Variants in TRPM3 observed in about 807,000 individuals in gnomAD.
TRPM3 encodes long transient receptor potential channel 3.
TRPM3 carries 77 observed loss-of-function variants against 181.2 expected under a neutral mutation model. That is an observed-to-expected ratio of 0.42 (90% CI 0.35 to 0.51). The LOEUF is 0.51. Among genes scored for constraint, TRPM3 ranks in the 20% least tolerant of loss-of-function variants. The probability of loss-of-function intolerance (pLI) is 0.01; values close to 1 mark genes in which losing one functional copy is unlikely to be tolerated. For missense variants in TRPM3, 1,759 were observed against 2,196.7 expected (o/e 0.80, Z 3.98); for synonymous variants, 745 against 796.4 (o/e 0.94, Z 1.09).
Position 70,964,386 on chromosome 9 carries a change from G to C in TRPM3, c.178-99875C>G, listed in dbSNP as rs184685572. On this transcript the variant is annotated intron_variant, in intron 1 of 25. Coordinates refer to ENST00000677713, the MANE Select transcript of TRPM3 (RefSeq NM_001366145.2). The stretch of plus-strand genomic sequence containing the variant: ...AAGAACCAGAGCTTAAAAACTATGA[G>C]ACATTTTGGTAAGTGGCAGAAATGT... 2.2e-4 allele frequency among the ~76,000 whole-genome samples: 34 copies of C among 152,142 alleles called. No individual in the cohort carries two copies. The East Asian group carries it at 5.6e-3, about 25-fold the overall frequency.
chr9:70,944,015 A>G (rs1485747327), intron 1 of TRPM3, among the ~76,000 whole-genome samples: 2 of 152,164 alleles, frequency 1.3e-5, no homozygotes, highest in African/African-American at 4.8e-5. Flanking sequence ...GCTGACCTCA[A>G]GTGGTCCGCC....
intron 1 of TRPM3, among the ~76,000 whole-genome samples, chr9:71,012,613 G>T (rs2097755157): frequency 6.6e-6 from 1 of 151,652 alleles, no homozygotes; most frequent in Admixed American, 6.6e-5. Flanking sequence ...TGTGTCTTTT[G>T]TGAAAAGTGC....
Position 70,615,938 on chromosome 9 carries a change from C to T in TRPM3, c.2496G>A (p.Lys832=). 1 of 1,609,202 alleles carries T rather than the reference C, an allele frequency of 6.2e-7. No individual in the cohort carries two copies. The highest frequency in any genetic ancestry group is 8.5e-7 in the Non-Finnish European group (1 of 1,178,244). ...KEAEEPEKPT[K]EKEEEDMELT... is the part of the protein sequence containing the mutation. ...GCTCCATGTCCTCTTCCTCTTTTTC[C>T]TTTGTGGGCTTCTCTGGTTCTTCTG... The change falls in exon 18 of 26, where the codon AAG becomes AAA. Residue 832 remains lysine, a synonymous_variant. Coordinates refer to ENST00000677713, the MANE Select transcript of TRPM3 (RefSeq NM_001366145.2).
chr9:70,812,951 T>C (rs143375551), intron 6 of TRPM3, among the ~76,000 whole-genome samples: 5 of 152,174 alleles, frequency 3.3e-5, no homozygotes, highest in Non-Finnish European at 7.4e-5. Flanking sequence ...AAAAAAATGG[T>C]CTTAAGGGGG....
At chr9:70,542,597 C>T (rs1231329587) in intron 25 of TRPM3, among the ~76,000 whole-genome samples, 1 of 152,220 alleles carries the variant, frequency 6.6e-6, no homozygotes, top group Non-Finnish European at 1.5e-5. Context: ...TGGCACAGAA[C>T]ATTTTGGCTT....
chr9:71,037,280 C>T (rs1359626784), intron 1 of TRPM3, among the ~76,000 whole-genome samples: 4 of 152,142 alleles, frequency 2.6e-5, no homozygotes, highest in African/African-American at 7.2e-5. Context: ...TCTACTTTAA[C>T]CAATTAGTAA....
intron 1 of TRPM3, among the ~76,000 whole-genome samples, chr9:71,103,894 A>T (rs75998083): frequency 6.6e-6 from 1 of 151,984 alleles, no homozygotes; most frequent in East Asian, 1.9e-4. Flanking sequence ...ATAATGGAGC[A>T]GATGATCTGA....
chr9:70,576,508 C>CT (rs897195308), intron 22 of TRPM3, among the ~76,000 whole-genome samples: 1,425 of 138,864 alleles, frequency 0.01, 28 homozygotes, highest in African/African-American at 0.034. Context: ...CCTCCTTCTT[C>CT]TTTTTTTTTT....
chr9:71,210,318 C>G (rs572090663), intron 1 of TRPM3, among the ~76,000 whole-genome samples: 2 of 152,304 alleles, frequency 1.3e-5, no homozygotes, highest in Admixed American at 1.3e-4. Flanking sequence ...AGGGCTCTCA[C>G]TGATTCTACA....
intron 1 of TRPM3, among the ~76,000 whole-genome samples, chr9:71,043,686 T>TC (rs1252972998): frequency 1.4e-4 from 22 of 152,348 alleles, no homozygotes; most frequent in Non-Finnish European, 2.8e-4. Context: ...CAGCATCAGC[T>TC]GGGAATTTTT....
chr9:70,796,870 T>C (rs2087195625), intron 6 of TRPM3, among the ~76,000 whole-genome samples: 1 of 152,340 alleles, frequency 6.6e-6, no homozygotes, highest in East Asian at 1.9e-4. Flanking sequence ...GGCTCATGCC[T>C]GTAATCCCAG....
chr9:70,831,229 T>C (rs1183600866), intron 5 of TRPM3, among the ~76,000 whole-genome samples: 1 of 152,206 alleles, frequency 6.6e-6, no homozygotes, highest in Non-Finnish European at 1.5e-5. Flanking sequence ...GTTTGAGTTA[T>C]AATTTACATA....
chr9:70,913,029 T>C (rs1174529391), intron 1 of TRPM3, among the ~76,000 whole-genome samples: 1 of 152,202 alleles, frequency 6.6e-6, no homozygotes, highest in East Asian at 1.9e-4. Flanking sequence ...ATCTATGAGA[T>C]GTATGCTTGT....
At chr9:71,310,515 A>G (rs1275255951) in intron 1 of TRPM3, among the ~76,000 whole-genome samples, 3 of 152,106 alleles carry the variant, frequency 2.0e-5, no homozygotes, top group African/African-American at 7.2e-5. Context: ...GCTGGAAAGT[A>G]GTATCTGTTA....
At chr9:70,930,594 C>G (rs1029997856) in intron 1 of TRPM3, among the ~76,000 whole-genome samples, 13 of 152,120 alleles carry the variant, frequency 8.5e-5, no homozygotes, top group Non-Finnish European at 1.9e-4. Context: ...GAGTACTACA[C>G]TGGATCTGTG....
At chr9:71,383,089 A>G (rs1182310621) in intron 1 of TRPM3, among the ~76,000 whole-genome samples, 6 of 152,182 alleles carry the variant, frequency 3.9e-5, no homozygotes, top group African/African-American at 1.4e-4. Context: ...CCTAACATTA[A>G]TAACACTCAA....
chr9:70,788,005 AC>A (rs1347728662), intron 6 of TRPM3, among the ~76,000 whole-genome samples: 4 of 96,632 alleles, frequency 4.1e-5, no homozygotes, highest in African/African-American at 1.5e-4. Flanking sequence ...CACTATCCTG[AC>A]TTTTTTTTTT....
intron 1 of TRPM3, among the ~76,000 whole-genome samples, chr9:71,419,325 G>A (rs1307263365): frequency 1.3e-5 from 2 of 151,910 alleles, no homozygotes; most frequent in Admixed American, 6.6e-5. Flanking sequence ...CCCAAAGGAT[G>A]AAGAAAACAA....
chr9:70,980,472 C>T (rs1381081253), intron 1 of TRPM3, among the ~76,000 whole-genome samples: 1 of 152,082 alleles, frequency 6.6e-6, no homozygotes, highest in Non-Finnish European at 1.5e-5. Context: ...CTTTGTGTTC[C>T]TGACATAGTA....
Sources: allele counts gnomAD v4.1 joint callset (sites outside exome capture counted in the v4.1 genomes callset), GRCh38; gene constraint gnomAD v4.1.1; transcripts MANE v1.5; gene names NCBI Gene and HGNC (gene_info 2026-07-23, HGNC 2026-07-21).